The following KIF4A variants were observed in gnomAD, a reference collection of about 807,000 sequenced individuals.
The protein encoded by KIF4A is chromosome-associated kinesin KIF4A.
KIF4A carries 7 observed loss-of-function variants against 105.9 expected under a neutral mutation model. The ratio of observed to expected loss-of-function variants is 0.07; its 90% CI spans 0.04 to 0.12. KIF4A has a LOEUF of 0.12. KIF4A is among the 10% of genes least tolerant of loss of function. The pLI is 1.00. For missense variants in KIF4A, 558 were observed against 929.2 expected (o/e 0.60, Z 5.19); for synonymous variants, 281 against 331.3 (o/e 0.85, Z 1.65).
intron 7 of KIF4A, among the ~76,000 whole-genome samples, chrX:70,306,867 T>G (rs991925346): frequency 9.2e-6 from 1 of 109,207 alleles, no homozygotes; most frequent in African/African-American, 3.3e-5. Flanking sequence ...AGAGACAAGA[T>G]CTTGCTCTGT....
At position 70,407,022 on chromosome X, in the gene KIF4A, G is replaced by A. The variant is rs750517629; in HGVS notation, c.3202G>A (p.Glu1068Lys). ...GDGDDDEGDD[E>K]EWKPTKLVKV... ...TGGTGATGATGATGAGGGGGATGAC[G>A]AGGAATGGAAGCCAACAAAATTAGT... is the stretch of plus-strand genomic sequence containing the variant. Residue 1068 changes from glutamate to lysine, a missense_variant, in exon 28 of 31, where the codon GAG (glutamate) becomes AAG (lysine). Glu to Lys is a moderately conservative substitution (Grantham distance 56). Around this residue, in one of 2 missense-constraint regions of KIF4A, gnomAD observed 469 missense variants for 680.4 expected, o/e 0.69. Transcript: ENST00000374403. The A allele has an allele frequency of 2.0e-5, 24 of 1,206,194 alleles. No individual in the cohort carries two copies. The highest frequency in any genetic ancestry group is 2.5e-5 in the Non-Finnish European group (22 of 893,273).
chrX:70,295,493 A>G (rs906897677), intron 3 of KIF4A, among the ~76,000 whole-genome samples: 2 of 111,374 alleles, frequency 1.8e-5, no homozygotes, highest in Non-Finnish European at 3.8e-5. Flanking sequence ...AAACAGAAAT[A>G]TATTTTATGG....
chrX:70,390,174 T>A (rs2086232570), intron 20 of KIF4A, among the ~76,000 whole-genome samples: 1 of 112,138 alleles, frequency 8.9e-6, no homozygotes, highest in Non-Finnish European at 1.9e-5. Context: ...TTGTTGGTTC[T>A]CAAAGCTTTT....
chrX:70,369,651 GA>G (rs1177346962), intron 15 of KIF4A, among the ~76,000 whole-genome samples: 3 of 110,663 alleles, frequency 2.7e-5, no homozygotes, highest in Admixed American at 9.6e-5. Context: ...TTTCATTATG[GA>G]AAAAAAATGA....
chrX:70,409,865 A>G (rs1046192011), intron 28 of KIF4A, among the ~76,000 whole-genome samples: 1 of 110,592 alleles, frequency 9.0e-6, no homozygotes, highest in African/African-American at 3.3e-5. Flanking sequence ...ATTTCCAAAT[A>G]TGAGGTGAAT....
chrX:70,326,168 G>A (rs1461854627), intron 7 of KIF4A, among the ~76,000 whole-genome samples: 1 of 111,989 alleles, frequency 8.9e-6, no homozygotes, highest in African/African-American at 3.2e-5. Flanking sequence ...CATTCTACCT[G>A]CTTTAGGCCC....
chrX:70,330,030 T>C, intron 8 of KIF4A, 127 bp from the exon 9 acceptor site: 1 of 499,039 alleles, frequency 2.0e-6, no homozygotes, highest in Non-Finnish European at 3.3e-6. Context: ...TATTTCAATA[T>C]AAAAAACACT....
chrX:70,304,649 C>CTTTT (rs138222376), intron 7 of KIF4A, among the ~76,000 whole-genome samples: 61 of 51,523 alleles, frequency 1.2e-3, no homozygotes, highest in Admixed American at 1.5e-3. Flanking sequence ...TACTTCATTC[C>CTTTT]TTTTTTTTTT....
intron 15 of KIF4A, among the ~76,000 whole-genome samples, chrX:70,359,279 A>G (rs2086064167): frequency 9.0e-6 from 1 of 111,336 alleles, no homozygotes; most frequent in African/African-American, 3.3e-5. Context: ...TGTTAATAGG[A>G]CATACAATGC....
chrX:70,378,882 G>A lies in KIF4A; in HGVS notation c.2034+2672G>A, dbSNP rs185663103. On this transcript the variant is annotated intron_variant, in intron 18 of 30. Transcript: ENST00000374403. ...TAAGAAAAAAAAAGAGGCCAGGCGCGGTGGCTCACACCTGTAGTAATCCCA... is the reference window on the plus strand; with the variant it reads ...TAAGAAAAAAAAAGAGGCCAGGCGCAGTGGCTCACACCTGTAGTAATCCCA... Among the ~76,000 whole-genome samples the A allele has an allele frequency of 1.3e-3, 142 of 110,255 alleles. 2 individuals are homozygous for A. Among genetic ancestry groups the A allele is most frequent in the Middle Eastern group, 4.6e-3 (1 of 218 alleles).
chrX:70,405,340 A>G (rs1249022088), intron 25 of KIF4A, among the ~76,000 whole-genome samples: 1 of 111,401 alleles, frequency 9.0e-6, no homozygotes, highest in African/African-American at 3.3e-5. Context: ...GGCACCTTCC[A>G]TCTAAGACAT....
intron 7 of KIF4A, among the ~76,000 whole-genome samples, chrX:70,303,519 T>C (rs1569229180): frequency 8.9e-6 from 1 of 112,151 alleles, no homozygotes; most frequent in East Asian, 2.8e-4. Flanking sequence ...TATTATACTG[T>C]TGGCACTGAG....
chrX:70,369,938 AT>A (rs2086123449), intron 15 of KIF4A, among the ~76,000 whole-genome samples: 1 of 111,487 alleles, frequency 9.0e-6, no homozygotes, highest in East Asian at 2.8e-4. Context: ...CATGGATACA[AT>A]GATAGTCCCA....
At chrX:70,392,642 A>T (rs780326004) in intron 20 of KIF4A, among the ~76,000 whole-genome samples, 266 of 109,263 alleles carry the variant, frequency 2.4e-3, no homozygotes, top group African/African-American at 8.3e-3. Context: ...TTTTTTTTTT[A>T]AATCTGTAAT....
rs377607844 is a variant in KIF4A at position 70,374,299 on chromosome X, G to A, written c.1778+45G>A. ...ATGTTATTTCAAGTCCCTACTATGT[G>A]TGAGGAGCTTTGCAAGAAATAGAGA... On this transcript the variant is annotated intron_variant, in intron 16 of 30. Transcript: ENST00000374403. 51 of 837,324 alleles carry A rather than the reference G, an allele frequency of 6.1e-5. No homozygotes were observed. In the Admixed American group the frequency reaches 1.0e-3, roughly 16 times the overall value. The allele number at this position is 837,324 out of a possible 1,213,427, so 69.0% of individuals were successfully genotyped here.
Position 70,420,516 on chromosome X carries a change from T to G in KIF4A, c.*251T>G, listed in dbSNP as rs749696473. 2.8e-4 allele frequency: 99 copies of G among 353,341 alleles called. No individual in the cohort carries two copies. The highest frequency in any genetic ancestry group is 2.3e-3 in the African/African-American group (90 of 38,803). The allele number at this position is 353,341 out of a possible 1,213,427, so 29.1% of individuals were successfully genotyped here. On this transcript the variant is annotated 3_prime_UTR_variant, in exon 31 of 31. Transcript: ENST00000374403. The stretch of plus-strand genomic sequence containing the variant: ...AGAGAGAACCAACTGACTTTCCTAT[T>G]GACTCATCAGGAACCAGTCCTCAGT...
intron 20 of KIF4A, among the ~76,000 whole-genome samples, chrX:70,388,709 G>T (rs2086226633): frequency 9.0e-6 from 1 of 111,380 alleles, no homozygotes; most frequent in Non-Finnish European, 1.9e-5. Flanking sequence ...TGAAATATGT[G>T]TTCAAATCTG....
chrX:70,379,117 C>T (rs1363507231), intron 18 of KIF4A, among the ~76,000 whole-genome samples: 1 of 106,579 alleles, frequency 9.4e-6, no homozygotes, highest in Non-Finnish European at 1.9e-5. Context: ...GAGCAGAGAT[C>T]GCACCACTGC....
intron 15 of KIF4A, among the ~76,000 whole-genome samples, chrX:70,369,167 A>T (rs1368914412): frequency 8.9e-6 from 1 of 112,165 alleles, no homozygotes; most frequent in Admixed American, 9.4e-5. Flanking sequence ...CTTGGCTAGG[A>T]AGGGGAATTC....
Sources: allele counts gnomAD v4.1 joint callset (sites outside exome capture counted in the v4.1 genomes callset), GRCh38; gene constraint gnomAD v4.1.1; regional missense constraint gnomAD v4.1.1; transcripts MANE v1.5; gene names NCBI Gene and HGNC (gene_info 2026-07-23, HGNC 2026-07-21).